The following CCDC40 variants were observed in gnomAD, a reference collection of about 807,000 sequenced individuals.
CCDC40 encodes coiled-coil domain 40 molecular ruler complex subunit.
CCDC40 carries 104 observed loss-of-function variants against 124.5 expected under a neutral mutation model. That is an observed-to-expected ratio of 0.84 (90% CI 0.71 to 0.98). The LOEUF (loss-of-function observed/expected upper bound fraction) is 0.98. Ranked by LOEUF, CCDC40 falls within the 50% of genes least tolerant of loss-of-function variation. The probability of loss-of-function intolerance (pLI) is 0.00; values close to 1 mark genes in which losing one functional copy is unlikely to be tolerated. For missense variants in CCDC40, 1,463 were observed against 1,503.9 expected (o/e 0.97, Z 0.45); for synonymous variants, 580 against 602.9 (o/e 0.96, Z 0.56).
At position 80,067,635 on chromosome 17, in the gene CCDC40, G is replaced by A. The variant is rs997533869; in HGVS notation, c.1562+2029G>A. The A allele has an allele frequency of 1.7e-4, 268 of 1,536,256 alleles. No homozygotes were observed. The East Asian group carries it at 2.2e-3, about 12-fold the overall frequency. On this transcript the variant is annotated intron_variant, in intron 10 of 19. Transcript: ENST00000397545. ...CGGGGCATCGAGGGCGTTCGCGTCC[G>A]TCTGTTATGGCGGTGCTGCTGTAGA...
chr17:80,065,971 C>T, intron 10 of CCDC40: 1 of 637,522 alleles, frequency 1.6e-6, no homozygotes, highest in Non-Finnish European at 2.8e-6. Context: ...ATTGTTCTGC[C>T]TGAGGGCTGC....
Position 80,095,361 on chromosome 17 carries a change from G to A in CCDC40, c.2931G>A (p.Gly977=), listed in dbSNP as rs771283795. The part of the protein sequence containing the change: ...RRETVTTQAE[G]QRKMDRKALT... ...AGACCGTCACCACCCAGGCCGAGGG[G>A]CAGCGCAAGATGGACAGGAAGGCGC... Residue 977 remains glycine, a synonymous_variant, in exon 18 of 20, where the codon GGG becomes GGA. Transcript: ENST00000397545. 6.2e-7 allele frequency: 1 copy of A among 1,614,016 alleles called. No homozygotes were observed. The highest frequency in any genetic ancestry group is 2.2e-5 in the East Asian group (1 of 44,902).
At position 80,086,085 on chromosome 17, in the gene CCDC40, C is replaced by T; in HGVS notation, c.2318C>T (p.Ala773Val). 6.2e-7 allele frequency: 1 copy of T among 1,614,146 alleles called. No homozygotes were observed. The highest frequency in any genetic ancestry group is 8.5e-7 in the Non-Finnish European group (1 of 1,180,018). The change falls in exon 14 of 20, where the codon GCC becomes GTC. Residue 773 changes from alanine to valine, a missense_variant. Coordinates refer to ENST00000397545, the MANE Select transcript of CCDC40 (RefSeq NM_017950.4). This position sits in a 1 kb window ranked among gnomAD's most constrained non-coding sequence, Gnocchi z 5.5. ...GAGCACGATGGCAAGGCGGTCCAGG[C>T]CCAGGTGACCTGGCTGCGCCTGCAG... The part of the protein sequence containing the change: ...IDEHDGKAVQ[A>V]QVTWLRLQQE...
chr17:80,051,766 T>A (rs1262554189), intron 7 of CCDC40, among the ~76,000 whole-genome samples: 1 of 152,124 alleles, frequency 6.6e-6, no homozygotes. Context: ...GTAACCAAAT[T>A]TACACCCACC....
In CCDC40 at chr17:80,097,256, G is replaced by C; in HGVS notation, c.3033G>C (p.Glu1011Asp). Residue 1011 changes from glutamate to aspartate, a missense_variant, in exon 19 of 20, where the codon GAG becomes GAC. Transcript: ENST00000397545. ...KIRDVRKATD[E>D]CTKTVLELEE... ...TGTGATTCTCCTAGGCCACCGATGA[G>C]TGCACCAAAACCGTCCTGGAACTGG... 6.2e-7 allele frequency: 1 copy of C among 1,613,978 alleles called. No homozygotes were observed. Among genetic ancestry groups the C allele is most frequent in the Non-Finnish European group, 8.5e-7 (1 of 1,180,016 alleles).
chr17:80,090,610 C>T, intron 17 of CCDC40: 2 of 1,475,784 alleles, frequency 1.4e-6, no homozygotes, highest in East Asian at 5.0e-5. Context: ...CACTGTGAGA[C>T]AGTCTCACAC....
At chr17:80,089,730 C>A (rs2038662301) in intron 16 of CCDC40, 34 bp from the exon 17 acceptor site, 1 of 1,613,696 alleles carries the variant, frequency 6.2e-7, no homozygotes, top group Non-Finnish European at 8.5e-7. Flanking sequence ...AAGAAAACTC[C>A]TAATTTCTTA....
At chr17:80,057,255 T>C (rs1233219896) in intron 7 of CCDC40, among the ~76,000 whole-genome samples, 1 of 151,836 alleles carries the variant, frequency 6.6e-6, no homozygotes, top group Non-Finnish European at 1.5e-5. Context: ...ATCCTGTTAA[T>C]TTTTGTATTT....
At chr17:80,077,537 A>G (rs1259795724) in intron 10 of CCDC40, among the ~76,000 whole-genome samples, 1 of 152,192 alleles carries the variant, frequency 6.6e-6, no homozygotes, top group African/African-American at 2.4e-5. Context: ...ATAAACAATA[A>G]AACAGCTGCT....
At chr17:80,075,759 C>A (rs8069815) in intron 10 of CCDC40, among the ~76,000 whole-genome samples, 6 of 152,106 alleles carry the variant, frequency 3.9e-5, no homozygotes, top group Non-Finnish European at 5.9e-5. Flanking sequence ...GATTACAGGC[C>A]TGAGCCACTG....
intron 19 of CCDC40, 121 bp downstream of exon 19, chr17:80,097,524 A>T: frequency 1.0e-6 from 1 of 991,794 alleles, no homozygotes; most frequent in Non-Finnish European, 1.5e-6. Flanking sequence ...GCCTCTCCTG[A>T]TCCCAGGCCA....
chr17:80,040,112 G>GTTAGCGGGGAGGCTGGTCTCCAAGGC lies in CCDC40; in HGVS notation c.397_422dup (p.Phe141LeufsTer35), dbSNP rs2037236648. ...GCCTGGAGAGGAGGCATACGATAGT[G>GTTAGCGGGGAGGCTGGTCTCCAAGGC]TTAGCGGGGAGGCTGGTCTCCAAGG... On this transcript the variant is annotated frameshift_variant, in exon 3 of 20. Transcript: ENST00000397545. LOFTEE classifies it high-confidence loss of function. 1 of 1,614,202 alleles carries GTTAGCGGGGAGGCTGGTCTCCAAGGC rather than the reference G, an allele frequency of 6.2e-7. No homozygotes were observed. The highest frequency in any genetic ancestry group is 8.5e-7 in the Non-Finnish European group (1 of 1,180,034).
Position 80,041,872 on chromosome 17 carries a change from T to C in CCDC40, c.552+1602T>C, listed in dbSNP as rs558704063. On this transcript the variant is annotated intron_variant, in intron 3 of 19. Coordinates refer to ENST00000397545, the MANE Select transcript of CCDC40 (RefSeq NM_017950.4). The stretch of plus-strand genomic sequence containing the variant: ...TTCCAGCTTCCACCATTCCTGATGA[T>C]GTTCACTTCTGTCACCAAATTTAAA... 3.3e-5 allele frequency among the ~76,000 whole-genome samples: 5 copies of C among 152,246 alleles called. No homozygotes were observed. In the East Asian group the frequency reaches 9.7e-4, roughly 29 times the overall value.
chr17:80,089,382 G>T (rs2038653798), intron 16 of CCDC40, among the ~76,000 whole-genome samples: 1 of 152,222 alleles, frequency 6.6e-6, no homozygotes, highest in African/African-American at 2.4e-5. Context: ...GCTTTGGGGG[G>T]CTTGTATCTT....
chr17:80,043,605 C>CTT (rs61278841), intron 3 of CCDC40, among the ~76,000 whole-genome samples: 9,040 of 121,322 alleles, frequency 0.075, 489 homozygotes, highest in Non-Finnish European at 0.1. Context: ...TCTCCTCTTC[C>CTT]TTTTTTTTTT....
chr17:80,096,063 C>A (rs1486173367), intron 18 of CCDC40, among the ~76,000 whole-genome samples: 1 of 152,264 alleles, frequency 6.6e-6, no homozygotes, highest in African/African-American at 2.4e-5. Context: ...GTTGGCCCCA[C>A]AGCCCCGCTG....
At chr17:80,044,758 G>T (rs868204735) in intron 3 of CCDC40, among the ~76,000 whole-genome samples, 25 of 145,208 alleles carry the variant, frequency 1.7e-4, no homozygotes, top group African/African-American at 6.4e-4. Context: ...AGCAAAACCA[G>T]TGTCTTCACC....
chr17:80,099,752 C>T lies in CCDC40; in HGVS notation c.3406C>T (p.Leu1136Phe), dbSNP rs938885964. 1.9e-6 allele frequency: 3 copies of T among 1,613,366 alleles called. No homozygotes were observed. The highest frequency in any genetic ancestry group is 2.7e-5 in the African/African-American group (2 of 74,898). The part of the protein sequence containing the change: ...HKVSQMIANK[L>F]ESPGPS The stretch of plus-strand genomic sequence containing the variant: ...GGTCAGCCAGATGATCGCCAACAAG[C>T]TCGAGTCACCAGGGCCCTCCTAGGG... Residue 1136 changes from leucine (L) to phenylalanine (F), a missense_variant, in exon 20 of 20, where the codon CTC becomes TTC. Coordinates refer to ENST00000397545, the MANE Select transcript of CCDC40 (RefSeq NM_017950.4).
At chr17:80,083,291 G>A (rs9905540) in intron 12 of CCDC40, among the ~76,000 whole-genome samples, 1 of 151,746 alleles carries the variant, frequency 6.6e-6, no homozygotes, top group Non-Finnish European at 1.5e-5. Flanking sequence ...GCTGCGAGCT[G>A]ACATTGCCAC....
Sources: allele counts gnomAD v4.1 joint callset (sites outside exome capture counted in the v4.1 genomes callset), GRCh38; gene constraint gnomAD v4.1.1; non-coding constraint Gnocchi (gnomAD v3.1); transcripts MANE v1.5; gene names NCBI Gene and HGNC (gene_info 2026-07-23, HGNC 2026-07-21).